The following LRRTM4 variants were observed in gnomAD, a reference collection of about 807,000 sequenced individuals.
The protein encoded by LRRTM4 is leucine-rich repeat transmembrane neuronal protein 4.
In LRRTM4, 25 loss-of-function variants were observed where a neutral mutation model predicts 47.6. The ratio of observed to expected loss-of-function variants is 0.53; its 90% CI spans 0.38 to 0.73. The LOEUF (loss-of-function observed/expected upper bound fraction) is 0.73. Ranked by LOEUF, LRRTM4 falls within the 30% of genes least tolerant of loss-of-function variation. The probability of loss-of-function intolerance (pLI) is 0.00; values close to 1 mark genes in which losing one functional copy is unlikely to be tolerated. For missense variants in LRRTM4, 638 were observed against 713.4 expected (o/e 0.89, Z 1.20); for synonymous variants, 311 against 269.5 (o/e 1.15, Z -1.51).
chr2:77,381,982 G>T (rs1673072262), intron 3 of LRRTM4, among the ~76,000 whole-genome samples: 1 of 151,958 alleles, frequency 6.6e-6, no homozygotes, highest in African/African-American at 2.4e-5. Flanking sequence ...ATATTAATAA[G>T]CTATATGATG....
Position 76,748,538 on chromosome 2 carries a change from C to A in LRRTM4, c.*157G>T. On this transcript the variant is annotated 3_prime_UTR_variant, in exon 4 of 4. Transcript: ENST00000409884. ...AGGTGCATTCGCTGCCCTCTTCAAG[C>A]AGTTTTTTTTTCTCTTTTTCTTTTC... 4 of 626,752 alleles carry A rather than the reference C, an allele frequency of 6.4e-6. No individual in the cohort carries two copies. The highest frequency in any genetic ancestry group is 1.1e-5 in the Non-Finnish European group (4 of 365,090). 38.8% of individuals were successfully genotyped at this position (626,752 alleles called of 1,614,324 possible). A position where few individuals can be genotyped will look rare whatever the true frequency, so the allele number is the denominator to read the frequency against.
At chr2:76,926,414 C>G (rs1346678337) in intron 3 of LRRTM4, among the ~76,000 whole-genome samples, 1 of 152,164 alleles carries the variant, frequency 6.6e-6, no homozygotes, top group Non-Finnish European at 1.5e-5. Context: ...GTCTCATCCT[C>G]TAATGAAAGT....
chr2:76,805,393 C>G (rs1675917052), intron 3 of LRRTM4, among the ~76,000 whole-genome samples: 1 of 152,076 alleles, frequency 6.6e-6, no homozygotes, highest in Non-Finnish European at 1.5e-5. Context: ...CTTAAATAAA[C>G]TATCATTTTA....
At chr2:77,355,651 T>C (rs1452469983) in intron 3 of LRRTM4, among the ~76,000 whole-genome samples, 2 of 152,116 alleles carry the variant, frequency 1.3e-5, no homozygotes, top group Non-Finnish European at 2.9e-5. Flanking sequence ...CACACCCTTG[T>C]GATTGGGAAA....
At chr2:76,769,756 T>C (rs1162564944) in intron 3 of LRRTM4, among the ~76,000 whole-genome samples, 1 of 152,164 alleles carries the variant, frequency 6.6e-6, no homozygotes, top group East Asian at 1.9e-4. Flanking sequence ...GAAGCACTGC[T>C]TTACAGATCA....
intron 3 of LRRTM4, among the ~76,000 whole-genome samples, chr2:77,269,831 T>C (rs1197686275): frequency 6.6e-6 from 1 of 152,226 alleles, no homozygotes; most frequent in South Asian, 2.1e-4. Context: ...AATAATCCAA[T>C]GTTTTATCCT....
intron 3 of LRRTM4, among the ~76,000 whole-genome samples, chr2:76,842,824 T>C (rs1671724760): frequency 6.6e-6 from 1 of 152,190 alleles, no homozygotes; most frequent in Non-Finnish European, 1.5e-5. Flanking sequence ...TTGCTGCACC[T>C]ATCAAACCAT....
chr2:77,040,907 C>T (rs1326509917), intron 3 of LRRTM4, among the ~76,000 whole-genome samples: 1 of 151,318 alleles, frequency 6.6e-6, no homozygotes, highest in Non-Finnish European at 1.5e-5. Context: ...TACCTATCAC[C>T]TCAAACATTT....
In LRRTM4 at chr2:77,120,376, G is replaced by A. The variant is rs539438041; in HGVS notation, c.1552-371460C>T. On this transcript the variant is annotated intron_variant, in intron 3 of 3. Coordinates refer to ENST00000409884, the MANE Select transcript of LRRTM4 (RefSeq NM_001134745.3). ...GGGAGACATACTACAGTTAAACTCA[G>A]TCTGGAACTTGGGCAAAAATTGAGA... 9.2e-5 allele frequency among the ~76,000 whole-genome samples: 14 copies of A among 151,878 alleles called. No individual in the cohort carries two copies. The East Asian group carries it at 2.1e-3, about 23-fold the overall frequency.
At chr2:77,033,335 T>G (rs1446934426) in intron 3 of LRRTM4, among the ~76,000 whole-genome samples, 2 of 151,760 alleles carry the variant, frequency 1.3e-5, no homozygotes, top group Non-Finnish European at 2.9e-5. Context: ...TAAAGATTAT[T>G]AAAAAAATCT....
chr2:76,978,732 A>T (rs1024352759), intron 3 of LRRTM4, among the ~76,000 whole-genome samples: 1 of 152,044 alleles, frequency 6.6e-6, no homozygotes, highest in Non-Finnish European at 1.5e-5. Flanking sequence ...CATATTCTCA[A>T]GGAGATGGCT....
At chr2:76,856,991 TTCTC>T (rs1047598412) in intron 3 of LRRTM4, among the ~76,000 whole-genome samples, 1 of 152,002 alleles carries the variant, frequency 6.6e-6, no homozygotes, top group African/African-American at 2.4e-5. Context: ...CAAAATAAAT[TTCTC>T]TCTTAATGTT....
intron 3 of LRRTM4, among the ~76,000 whole-genome samples, chr2:77,249,227 G>C (rs1299413096): frequency 6.6e-6 from 1 of 151,954 alleles, no homozygotes; most frequent in Non-Finnish European, 1.5e-5. Context: ...GTGAGTGCCT[G>C]TAATCCCAGC....
At chr2:77,165,451 A>G (rs1348449917) in intron 3 of LRRTM4, among the ~76,000 whole-genome samples, 1 of 152,214 alleles carries the variant, frequency 6.6e-6, no homozygotes, top group African/African-American at 2.4e-5. Flanking sequence ...AATCCTTCCT[A>G]ACTCATTTTA....
intron 3 of LRRTM4, among the ~76,000 whole-genome samples, chr2:77,246,588 T>G (rs2104002825): frequency 6.6e-6 from 1 of 152,240 alleles, no homozygotes; most frequent in East Asian, 1.9e-4. Flanking sequence ...TACAGAACAT[T>G]TGCATCATCA....
intron 3 of LRRTM4, among the ~76,000 whole-genome samples, chr2:76,975,480 T>A (rs1676388619): frequency 6.6e-6 from 1 of 151,592 alleles, no homozygotes; most frequent in South Asian, 2.1e-4. Context: ...ACAGAAAAGA[T>A]AAACAACTGT....
intron 3 of LRRTM4, among the ~76,000 whole-genome samples, chr2:77,321,557 G>GC (rs199553046): frequency 0.19 from 21,549 of 111,214 alleles, 2,388 homozygotes; most frequent in East Asian, 0.47. Context: ...CGGGGAGGGG[G>GC]GGGGGTGTGT....
At chr2:77,514,179 T>C (rs969099897) in intron 3 of LRRTM4, among the ~76,000 whole-genome samples, 3 of 151,996 alleles carry the variant, frequency 2.0e-5, no homozygotes, top group South Asian at 4.1e-4. Context: ...CATGACACAG[T>C]TGTAGTCAGC....
At chr2:77,189,388 A>T (rs986301677) in intron 3 of LRRTM4, among the ~76,000 whole-genome samples, 1 of 152,136 alleles carries the variant, frequency 6.6e-6, no homozygotes, top group Non-Finnish European at 1.5e-5. Context: ...CTTGTTATGG[A>T]CTAAAGGTTT....
Sources: gnomAD v4.1 joint callset for allele counts (sites outside exome capture counted in the v4.1 genomes callset) on GRCh38, gnomAD v4.1.1 for gene constraint, MANE v1.5 for transcripts, NCBI Gene and HGNC (gene_info 2026-07-23, HGNC 2026-07-21) for gene names.